Variants in CNTNAP4 observed in about 807,000 individuals in gnomAD.
CNTNAP4 encodes the protein contactin associated protein family member 4.
A neutral mutation model predicts 148.4 loss-of-function variants in CNTNAP4; 98 were observed. That is an observed-to-expected ratio of 0.66 (90% CI 0.56 to 0.78). CNTNAP4 has a LOEUF of 0.78. CNTNAP4 is among the 30% of genes least tolerant of loss of function. The pLI is 0.00. For missense variants in CNTNAP4, 1,935 were observed against 1,565.6 expected, an observed-to-expected ratio of 1.24 and a Z score of -3.98; for synonymous variants, 730 against 565.1, an observed-to-expected ratio of 1.29 and a Z score of -4.14.
chr16:76,460,683 G>A (rs1420225941), intron 8 of CNTNAP4, among the ~76,000 whole-genome samples: 1 of 140,256 alleles, frequency 7.1e-6, no homozygotes, highest in Non-Finnish European at 1.5e-5. Flanking sequence ...AACCTGGGAG[G>A]CAGAGCTTGC....
chr16:76,504,732 C>T (rs531053082), intron 15 of CNTNAP4, among the ~76,000 whole-genome samples: 78 of 151,928 alleles, frequency 5.1e-4, no homozygotes, highest in Non-Finnish European at 8.7e-4. Context: ...AGGCTAATAC[C>T]CAGAATATAA....
chr16:76,341,170 C>G (rs1228721441), intron 2 of CNTNAP4, among the ~76,000 whole-genome samples: 1 of 151,978 alleles, frequency 6.6e-6, no homozygotes, highest in Non-Finnish European at 1.5e-5. Flanking sequence ...GATGCCAGCT[C>G]TCCCTGACAT....
intron 12 of CNTNAP4, among the ~76,000 whole-genome samples, chr16:76,485,212 G>C (rs1052831439): frequency 1.3e-5 from 2 of 152,130 alleles, no homozygotes; most frequent in African/African-American, 4.8e-5. Flanking sequence ...CCGCCTCCCA[G>C]GTTCAAGCAT....
intron 3 of CNTNAP4, among the ~76,000 whole-genome samples, chr16:76,381,828 A>G (rs143106648): frequency 0.011 from 1,732 of 152,292 alleles, 29 homozygotes; most frequent in African/African-American, 0.035. Context: ...TGGGAGGCCA[A>G]GGTGGATGGA....
chr16:76,398,231 G>A (rs2078281327), intron 3 of CNTNAP4, among the ~76,000 whole-genome samples: 1 of 150,676 alleles, frequency 6.6e-6, no homozygotes, highest in Admixed American at 6.6e-5. Context: ...ATTAGATGGT[G>A]CCCACCCTGG....
Position 76,548,295 on chromosome 16 carries a change from C to CATTTTTTTTT in CNTNAP4, c.3443-4988_3443-4987insATTTTTTTTT, listed in dbSNP as rs759580311. On this transcript the variant is annotated intron_variant, in intron 21 of 23. Coordinates refer to ENST00000611870, the MANE Select transcript of CNTNAP4 (RefSeq NM_033401.5). ...CCCTGGCTCTCTTGATTCACTGCACCTTTTTTTTTTTTTTTTTTTTTTTTG... is the reference window on the plus strand; with the variant it reads ...CCCTGGCTCTCTTGATTCACTGCACCATTTTTTTTTTTTTTTTTTTTTTTTTTTTTTTTTG... Among the ~76,000 whole-genome samples, 22 of 92,932 alleles carry CATTTTTTTTT rather than the reference C, an allele frequency of 2.4e-4. 8 individuals carry two copies. Among genetic ancestry groups the CATTTTTTTTT allele is most frequent in the South Asian group, 1.2e-3 (3 of 2,462 alleles). 61.0% of individuals were successfully genotyped at this position (92,932 alleles called of 152,430 possible).
At chr16:76,427,670 T>G in intron 4 of CNTNAP4, 71 bp downstream of exon 4, 1 of 1,395,654 alleles carries the variant, frequency 7.2e-7, no homozygotes, top group Non-Finnish European at 9.6e-7. Context: ...AACTACAAAC[T>G]GAAATGGACT....
At chr16:76,515,363 A>G (rs544602792) in intron 15 of CNTNAP4, among the ~76,000 whole-genome samples, 88 of 152,314 alleles carry the variant, frequency 5.8e-4, no homozygotes, top group Non-Finnish European at 8.2e-4. Flanking sequence ...TCATTAAGGT[A>G]AATGAGGTGG....
At chr16:76,409,045 G>C (rs1414279501) in intron 3 of CNTNAP4, among the ~76,000 whole-genome samples, 1 of 151,824 alleles carries the variant, frequency 6.6e-6, no homozygotes, top group Non-Finnish European at 1.5e-5. Context: ...TACATTTGTG[G>C]CCTAAGATTT....
In CNTNAP4 at chr16:76,558,551, T is replaced by G; in HGVS notation, c.3795T>G (p.Tyr1265Ter). ...LCITAIAVRI[Y>*]QQKRLYKRSE... ...TCACTGCCATAGCTGTTCGCATTTA[T>G]CAGCAGAAAAGGTTATATAAAAGAA... is the stretch of plus-strand genomic sequence containing the variant. The change falls in exon 24 of 24, where the codon TAT (tyrosine) becomes TAG (stop). Residue 1265 changes from tyrosine to a stop codon, truncating the protein, a stop_gained. Transcript: ENST00000611870. LOFTEE classifies it high-confidence loss of function. 1.2e-6 allele frequency: 2 copies of G among 1,612,088 alleles called. No individual in the cohort carries two copies. The highest frequency in any genetic ancestry group is 1.7e-6 in the Non-Finnish European group (2 of 1,178,288).
At chr16:76,412,164 C>T (rs539131505) in intron 3 of CNTNAP4, among the ~76,000 whole-genome samples, 6 of 151,238 alleles carry the variant, frequency 4.0e-5, no homozygotes, top group African/African-American at 1.2e-4. Flanking sequence ...AAATGTCCTA[C>T]AGTAATGAAA....
At chr16:76,337,909 C>T (rs1214476533) in intron 2 of CNTNAP4, among the ~76,000 whole-genome samples, 1 of 152,156 alleles carries the variant, frequency 6.6e-6, no homozygotes, top group African/African-American at 2.4e-5. Flanking sequence ...GGCAGTCAGA[C>T]CTTAAGGTTA....
chr16:76,356,548 G>T (rs1253303014), intron 3 of CNTNAP4, among the ~76,000 whole-genome samples: 1 of 152,164 alleles, frequency 6.6e-6, no homozygotes, highest in African/African-American at 2.4e-5. Context: ...AAGGATGTTT[G>T]TTTGATAACA....
chr16:76,499,931 C>G (rs1470421781), intron 15 of CNTNAP4, among the ~76,000 whole-genome samples: 1 of 152,110 alleles, frequency 6.6e-6, no homozygotes, highest in Non-Finnish European at 1.5e-5. Flanking sequence ...TAGTACAGAA[C>G]AAAATGGAGT....
At chr16:76,344,049 C>G (rs1964707299) in intron 2 of CNTNAP4, among the ~76,000 whole-genome samples, 1 of 152,156 alleles carries the variant, frequency 6.6e-6, no homozygotes, top group African/African-American at 2.4e-5. Context: ...GAATTGAATG[C>G]ATGCATAGGG....
At chr16:76,549,550 TTC>T (rs1253144904) in intron 21 of CNTNAP4, among the ~76,000 whole-genome samples, 1 of 152,096 alleles carries the variant, frequency 6.6e-6, no homozygotes, top group Non-Finnish European at 1.5e-5. Context: ...CAAAATGATT[TTC>T]TATCAAAATA....
chr16:76,535,826 A>G (rs780924271), intron 18 of CNTNAP4, 42 bp downstream of exon 18: 6 of 1,572,218 alleles, frequency 3.8e-6, no homozygotes, highest in African/African-American at 2.7e-5. Context: ...AATTTATTCA[A>G]TGTGGATTAA....
intron 1 of CNTNAP4, among the ~76,000 whole-genome samples, chr16:76,315,949 T>C (rs757266433): frequency 4.7e-4 from 71 of 152,186 alleles, no homozygotes; most frequent in Non-Finnish European, 9.7e-4. Flanking sequence ...GTGTCATGAT[T>C]TAAAGGTGGT....
At chr16:76,354,307 C>T (rs911612902) in intron 2 of CNTNAP4, among the ~76,000 whole-genome samples, 5 of 152,102 alleles carry the variant, frequency 3.3e-5, no homozygotes, top group South Asian at 2.1e-4. Flanking sequence ...CATCTTAACA[C>T]GATATACAGG....
Sources: allele counts gnomAD v4.1 joint callset (sites outside exome capture counted in the v4.1 genomes callset), GRCh38; gene constraint gnomAD v4.1.1; transcripts MANE v1.5; gene names NCBI Gene and HGNC (gene_info 2026-07-23, HGNC 2026-07-21).